The following ADGB variants were observed in gnomAD, a reference collection of about 807,000 sequenced individuals.
ADGB encodes calpain-7-like protein.
Under a neutral mutation model 210.5 loss-of-function variants are expected in ADGB, and 172 were observed. The ratio of observed to expected loss-of-function variants is 0.82; its 90% CI spans 0.72 to 0.93. The LOEUF (loss-of-function observed/expected upper bound fraction) is 0.93, where lower values mean the gene tolerates loss of function less well. ADGB is among the 40% of genes least tolerant of loss of function. The probability of loss-of-function intolerance (pLI) is 0.00; values close to 1 mark genes in which losing one functional copy is unlikely to be tolerated. For missense variants in ADGB, 2,025 were observed against 1,964.8 expected (o/e 1.03, Z -0.58); for synonymous variants, 658 against 662.7 (o/e 0.99, Z 0.11).
chr6:146,741,047 G>A (rs922521326), intron 24 of ADGB, 71 bp from the exon 25 acceptor site: 2 of 1,247,068 alleles, frequency 1.6e-6, no homozygotes, highest in African/African-American at 3.1e-5. Flanking sequence ...AAATTTCTTG[G>A]CATTAATGCA....
At chr6:146,767,468 C>T (rs560468136) in intron 28 of ADGB, among the ~76,000 whole-genome samples, 1 of 152,178 alleles carries the variant, frequency 6.6e-6, no homozygotes, top group Admixed American at 6.5e-5. Flanking sequence ...TGAATTCTCC[C>T]CATCAACTTT....
chr6:146,781,738 C>T (rs1169656115), intron 29 of ADGB, among the ~76,000 whole-genome samples: 1 of 151,972 alleles, frequency 6.6e-6, no homozygotes, highest in East Asian at 1.9e-4. Context: ...AAATGGCATC[C>T]ATATTGGAAA....
intron 27 of ADGB, among the ~76,000 whole-genome samples, chr6:146,755,721 A>G (rs1777397404): frequency 6.6e-6 from 1 of 152,080 alleles, no homozygotes; most frequent in Non-Finnish European, 1.5e-5. Flanking sequence ...GTCCATTTGC[A>G]TTAATTTTGA....
intron 26 of ADGB, among the ~76,000 whole-genome samples, chr6:146,751,069 C>T (rs1777313098): frequency 6.6e-6 from 1 of 152,014 alleles, no homozygotes; most frequent in Admixed American, 6.6e-5. Context: ...ACCTATCAAA[C>T]CCATTACCTA....
intron 16 of ADGB, among the ~76,000 whole-genome samples, chr6:146,717,986 C>T (rs1244406484): frequency 2.6e-5 from 4 of 152,042 alleles, no homozygotes; most frequent in East Asian, 1.9e-4. Flanking sequence ...TTTTTTCCCC[C>T]GTATCATCCC....
intron 20 of ADGB, among the ~76,000 whole-genome samples, 160 bp from the exon 21 acceptor site, chr6:146,732,960 T>A (rs991597433): frequency 6.6e-6 from 1 of 152,200 alleles, no homozygotes; most frequent in African/African-American, 2.4e-5. Flanking sequence ...TTTTGGTCTC[T>A]TACTGGGCAG....
chr6:146,769,699 G>A (rs1777625493), intron 29 of ADGB, among the ~76,000 whole-genome samples: 1 of 152,098 alleles, frequency 6.6e-6, no homozygotes, highest in African/African-American at 2.4e-5. Flanking sequence ...CTGAAAGAAT[G>A]TGTATTTTCT....
chr6:146,675,094 T>A (rs998262154), intron 8 of ADGB, among the ~76,000 whole-genome samples: 2 of 152,120 alleles, frequency 1.3e-5, no homozygotes, highest in African/African-American at 4.8e-5. Flanking sequence ...AAATGTTTTA[T>A]CCTATGATTG....
rs550606940 is a variant in ADGB at position 146,809,254 on chromosome 6, A to G, written c.4819-5778A>G. Among the ~76,000 whole-genome samples, 91 of 152,308 alleles carry G rather than the reference A, an allele frequency of 6.0e-4. 1 individual carries two copies. Among genetic ancestry groups the G allele is most frequent in the Middle Eastern group, 3.4e-3 (1 of 294 alleles). ...TTTCCTAACACTTGTTGCCTAGGCT[A>G]GAGTGCAATGGCGCAATCTCGGCTC... On this transcript the variant is annotated intron_variant, in intron 35 of 35. Transcript: ENST00000397944.
chr6:146,685,001 T>C (rs754965620), intron 9 of ADGB, among the ~76,000 whole-genome samples: 5 of 152,078 alleles, frequency 3.3e-5, no homozygotes, highest in Non-Finnish European at 7.4e-5. Context: ...AAGATATTAT[T>C]CTTTTGTAAA....
At chr6:146,647,112 CAAA>C (rs1179831820) in intron 3 of ADGB, among the ~76,000 whole-genome samples, 2 of 130,392 alleles carry the variant, frequency 1.5e-5, no homozygotes, top group African/African-American at 5.6e-5. Flanking sequence ...AAACAAAAAA[CAAA>C]AAACAAACAA....
chr6:146,772,915 C>T (rs1020713543), intron 29 of ADGB, among the ~76,000 whole-genome samples: 1 of 151,960 alleles, frequency 6.6e-6, no homozygotes, highest in East Asian at 1.9e-4. Context: ...GTAGAAGTAG[C>T]GGGAAGGAGA....
intron 1 of ADGB, among the ~76,000 whole-genome samples, chr6:146,634,686 G>C (rs925485795): frequency 6.6e-6 from 1 of 151,916 alleles, no homozygotes; most frequent in Non-Finnish European, 1.5e-5. Flanking sequence ...ATACACTTTG[G>C]TATAGGAAGG....
intron 10 of ADGB, among the ~76,000 whole-genome samples, chr6:146,686,103 A>G (rs1420191609): frequency 4.6e-5 from 7 of 152,202 alleles, no homozygotes; most frequent in Non-Finnish European, 1.5e-5. Flanking sequence ...CTTCTGTTAT[A>G]ATCAAAAAGA....
chr6:146,786,856 A>C (rs1207076169), intron 32 of ADGB, among the ~76,000 whole-genome samples: 1 of 152,150 alleles, frequency 6.6e-6, no homozygotes, highest in African/African-American at 2.4e-5. Flanking sequence ...ATTACACTGA[A>C]TACATTAAAC....
In ADGB at chr6:146,761,751, G is replaced by A. The variant is rs115669147; in HGVS notation, c.3551-2150G>A. 6.9e-3 allele frequency among the ~76,000 whole-genome samples: 1,048 copies of A among 152,024 alleles called. 6 individuals are homozygous for A. Among genetic ancestry groups the A allele is most frequent in the African/African-American group, 0.023 (968 of 41,484 alleles). Reference sequence around the variant, plus strand: ...TTTATTCATTCTCCAGGACTGCTACGGCAAACTACATAAAGTGGATGGCTT... The same window carrying A: ...TTTATTCATTCTCCAGGACTGCTACAGCAAACTACATAAAGTGGATGGCTT... On this transcript the variant is annotated intron_variant, in intron 27 of 35. Transcript: ENST00000397944.
chr6:146,602,505 A>G (rs1780572781), intron 1 of ADGB, among the ~76,000 whole-genome samples: 1 of 152,220 alleles, frequency 6.6e-6, no homozygotes, highest in African/African-American at 2.4e-5. Context: ...ACAGATTATA[A>G]CTCATTGCCA....
At chr6:146,686,267 T>C (rs1175641298) in intron 10 of ADGB, among the ~76,000 whole-genome samples, 1 of 152,064 alleles carries the variant, frequency 6.6e-6, no homozygotes, top group Non-Finnish European at 1.5e-5. Flanking sequence ...GCTATGACCT[T>C]TCTTGTATCA....
At chr6:146,643,089 G>T (rs768807475) in intron 2 of ADGB, among the ~76,000 whole-genome samples, 1 of 151,824 alleles carries the variant, frequency 6.6e-6, no homozygotes, top group Non-Finnish European at 1.5e-5. Flanking sequence ...GGAAAATGAT[G>T]TGGGGAAACC....
Sources: gnomAD v4.1 joint callset for allele counts (sites outside exome capture counted in the v4.1 genomes callset) on GRCh38, gnomAD v4.1.1 for gene constraint, MANE v1.5 for transcripts, NCBI Gene and HGNC (gene_info 2026-07-23, HGNC 2026-07-21) for gene names.